Variants in STK3 observed in about 807,000 individuals in gnomAD.
STK3 encodes the protein serine/threonine-protein kinase 3.
In STK3, 41 loss-of-function variants were observed where a neutral mutation model predicts 58.0. That is an observed-to-expected ratio of 0.71 (90% CI 0.55 to 0.92). The LOEUF is 0.92. Ranked by LOEUF, STK3 falls within the 40% of genes least tolerant of loss-of-function variation. STK3 has a pLI of 0.00. For synonymous variants in STK3, 170 were observed against 191.0 expected (o/e 0.89, Z 0.91); for missense variants, 479 against 602.7 (o/e 0.79, Z 2.15).
intron 1 of STK3, among the ~76,000 whole-genome samples, chr8:98,900,161 C>T (rs2131949421): frequency 6.6e-6 from 1 of 152,240 alleles, no homozygotes; most frequent in South Asian, 2.1e-4. Flanking sequence ...ACTGCACCCT[C>T]CACCTCCCAA....
intron 1 of STK3, among the ~76,000 whole-genome samples, chr8:98,823,225 A>G (rs1467028188): frequency 6.6e-6 from 1 of 152,226 alleles, no homozygotes; most frequent in African/African-American, 2.4e-5. Flanking sequence ...TACCTGAAAA[A>G]ATAAAAAATG....
intron 10 of STK3, among the ~76,000 whole-genome samples, chr8:98,492,282 T>C (rs190367991): frequency 3.3e-5 from 5 of 152,352 alleles, no homozygotes; most frequent in Admixed American, 2.6e-4. Context: ...TAATATGATA[T>C]CTTAAATTAA....
At chr8:98,856,731 C>T (rs906077250) in intron 3 of STK3, among the ~76,000 whole-genome samples, 3 of 152,216 alleles carry the variant, frequency 2.0e-5, no homozygotes, top group Admixed American at 1.3e-4. Context: ...ATAAAAACAT[C>T]TGTCCACACA....
chr8:98,894,925 C>T (rs1387991205), intron 1 of STK3, among the ~76,000 whole-genome samples: 1 of 151,998 alleles, frequency 6.6e-6, no homozygotes, highest in Non-Finnish European at 1.5e-5. Context: ...AATAAATGAA[C>T]GAATGGATAG....
intron 3 of STK3, among the ~76,000 whole-genome samples, chr8:98,750,015 T>C (rs1216684069): frequency 1.3e-5 from 2 of 152,132 alleles, no homozygotes; most frequent in African/African-American, 4.8e-5. Flanking sequence ...TAATGTATAT[T>C]ATGGATAAAC....
chr8:98,661,623 C>G (rs73699915), intron 6 of STK3, among the ~76,000 whole-genome samples: 1 of 152,032 alleles, frequency 6.6e-6, no homozygotes, highest in Non-Finnish European at 1.5e-5. Context: ...CCATAATCTT[C>G]GGGGAGGAAA....
chr8:98,399,129 T>G (rs1461076650), downstream of STK3, among the ~76,000 whole-genome samples: 2 of 152,114 alleles, frequency 1.3e-5, no homozygotes, highest in Non-Finnish European at 2.9e-5. Context: ...GTAAATTAGT[T>G]CAGCAGACTG....
chr8:98,872,125 G>A (rs371871371), intron 3 of STK3, among the ~76,000 whole-genome samples: 2 of 152,132 alleles, frequency 1.3e-5, no homozygotes, highest in East Asian at 3.8e-4. Flanking sequence ...CTTTGGTTCT[G>A]TTTATATGAT....
intron 9 of STK3, among the ~76,000 whole-genome samples, 175 bp downstream of exon 9, chr8:98,547,794 T>C (rs1276725848): frequency 6.6e-6 from 1 of 152,158 alleles, no homozygotes; most frequent in East Asian, 1.9e-4. Context: ...TCTGCTATAT[T>C]AAAATACAAT....
rs769492649 is a variant in STK3, at chr8:98,661,423, C to T, written c.684+45044G>A. 1.1e-4 allele frequency among the ~76,000 whole-genome samples: 16 copies of T among 152,012 alleles called. 1 individual carries two copies. Among genetic ancestry groups the T allele is most frequent in the Non-Finnish European group, 1.6e-4 (11 of 67,954 alleles). ...CTGGGACCTGTCCCTTTTTCTCTAT[C>T]ACCGCAGCTAATACCTTAATCCAGG... On this transcript the variant is annotated intron_variant, in intron 6 of 10. Transcript: ENST00000419617.
intron 3 of STK3, among the ~76,000 whole-genome samples, chr8:98,757,213 C>T (rs1463008382): frequency 1.3e-5 from 2 of 151,264 alleles, no homozygotes; most frequent in African/African-American, 2.4e-5. Flanking sequence ...CAGAGTCTCG[C>T]TCTGTCGCCC....
intron 1 of STK3, among the ~76,000 whole-genome samples, chr8:98,794,653 G>A (rs1483771787): frequency 6.6e-6 from 1 of 152,078 alleles, no homozygotes. Flanking sequence ...GGAACTCACT[G>A]CAACTCATTC....
chr8:98,722,188 A>C (rs1406292377), intron 4 of STK3, among the ~76,000 whole-genome samples: 1 of 152,244 alleles, frequency 6.6e-6, no homozygotes, highest in Non-Finnish European at 1.5e-5. Flanking sequence ...TAACAATTAT[A>C]AAATGGCACT....
intron 3 of STK3, among the ~76,000 whole-genome samples, chr8:98,759,530 T>G: frequency 6.6e-6 from 1 of 151,988 alleles, no homozygotes; most frequent in South Asian, 2.1e-4. Flanking sequence ...GTCTGAAATA[T>G]GGGAAGGATT....
chr8:98,667,896 C>A (rs973000147), intron 6 of STK3, among the ~76,000 whole-genome samples: 33 of 152,028 alleles, frequency 2.2e-4, no homozygotes, highest in African/African-American at 7.9e-4. Flanking sequence ...TACTTGGTTT[C>A]TACCATTAAA....
At chr8:98,366,437 T>C (rs1817564992), downstream of STK3, among the ~76,000 whole-genome samples, 1 of 152,274 alleles carries the variant, frequency 6.6e-6, no homozygotes. Context: ...TCCTTTATGA[T>C]TTCTGACATT....
chr8:98,754,413 G>A (rs1830164427), intron 3 of STK3, among the ~76,000 whole-genome samples: 1 of 151,676 alleles, frequency 6.6e-6, no homozygotes, highest in Admixed American at 6.6e-5. Context: ...GTTTTTAAAA[G>A]CTCTACCGGT....
At chr8:98,649,808 T>C (rs1473952014) in intron 6 of STK3, among the ~76,000 whole-genome samples, 1 of 152,198 alleles carries the variant, frequency 6.6e-6, no homozygotes, top group Non-Finnish European at 1.5e-5. Context: ...TATTATGATA[T>C]AGTTTTTGCA....
At chr8:98,821,695 G>A (rs1834915220) in intron 1 of STK3, among the ~76,000 whole-genome samples, 1 of 151,606 alleles carries the variant, frequency 6.6e-6, no homozygotes, top group Non-Finnish European at 1.5e-5. Context: ...GAAAAAAAAG[G>A]ACTTCTGAAG....
Sources: allele counts gnomAD v4.1 joint callset (sites outside exome capture counted in the v4.1 genomes callset), GRCh38; gene constraint gnomAD v4.1.1; transcripts MANE v1.5; gene names NCBI Gene and HGNC (gene_info 2026-07-23, HGNC 2026-07-21).